AKAP13: variants seen among roughly 807,000 people sequenced by gnomAD.
The protein encoded by AKAP13 is A-kinase anchor protein 13.
A neutral mutation model predicts 264.5 loss-of-function variants in AKAP13; 80 were observed. The ratio of observed to expected loss-of-function variants is 0.30; its 90% CI spans 0.25 to 0.36. The LOEUF is 0.36. Ranked by LOEUF, AKAP13 falls within the 10% of genes least tolerant of loss-of-function variation. AKAP13 has a pLI of 1.00. For missense variants in AKAP13, 3,712 were observed against 3,435.2 expected, an observed-to-expected ratio of 1.08 and a Z score of -2.01; for synonymous variants, 1,380 against 1,250.2, an observed-to-expected ratio of 1.10 and a Z score of -2.19.
At chr15:85,613,463 C>T (rs1445701758) in intron 8 of AKAP13, among the ~76,000 whole-genome samples, 9 of 151,904 alleles carry the variant, frequency 5.9e-5, no homozygotes, top group East Asian at 1.9e-4. Context: ...GGGTGGATCA[C>T]GAGGTCAGGA....
intron 7 of AKAP13, 146 bp from the exon 8 acceptor site, chr15:85,585,556 C>A: frequency 8.7e-7 from 1 of 1,148,822 alleles, no homozygotes; most frequent in East Asian, 2.5e-5. Flanking sequence ...TCAGAAATGA[C>A]ACTAGCCGCT....
Position 85,741,177 on chromosome 15 carries a change from G to C in AKAP13, c.7740G>C (p.Gln2580His). 1 of 1,612,382 alleles carries C rather than the reference G, an allele frequency of 6.2e-7. No homozygotes were observed. The highest frequency in any genetic ancestry group is 8.5e-7 in the Non-Finnish European group (1 of 1,179,290). The stretch of plus-strand genomic sequence containing the variant: ...AGAAGCAGCGCAGCCTGGAGAAGCA[G>C]CGCCAGGACCTGGCCAACCTGCAGA... ...EQEKQRSLEK[Q>H]RQDLANLQKQ... Residue 2580 changes from glutamine to histidine, a missense_variant, in exon 35 of 37, where the codon CAG becomes CAC. Gln to His is a conservative substitution (Grantham distance 24). Transcript: ENST00000394518.
chr15:85,458,219 A>G (rs939654143), intron 1 of AKAP13, among the ~76,000 whole-genome samples: 5 of 151,984 alleles, frequency 3.3e-5, no homozygotes, highest in Non-Finnish European at 7.4e-5. Context: ...GATTTTTAGT[A>G]ATACATGTTT....
intron 1 of AKAP13, among the ~76,000 whole-genome samples, chr15:85,399,502 C>CAAAAAAAAAAAAAAAAA (rs71138392): frequency 5.2e-5 from 4 of 77,074 alleles, no homozygotes; most frequent in Non-Finnish European, 9.6e-5. Flanking sequence ...GACTCCGTCT[C>CAAAAAAAAAAAAAAAAA]AAAAAAAAAA....
At chr15:85,589,296 T>G (rs1248228002) in intron 8 of AKAP13, among the ~76,000 whole-genome samples, 1 of 152,168 alleles carries the variant, frequency 6.6e-6, no homozygotes, top group Admixed American at 6.6e-5. Flanking sequence ...TTAAAACTAG[T>G]AAGCTTTGCT....
rs112362641 is a variant in AKAP13, at chr15:85,488,726, T to C, written c.33+2973T>C. On this transcript the variant is annotated intron_variant, in intron 2 of 36. Transcript: ENST00000394518. Reference sequence around the variant, plus strand: ...AGGAAGGAGCCCATGAGCTACGGAATGCAGCTCTAGAAGCTGGAAATAGCA... The same window carrying C: ...AGGAAGGAGCCCATGAGCTACGGAACGCAGCTCTAGAAGCTGGAAATAGCA... 6.2e-4 allele frequency among the ~76,000 whole-genome samples: 95 copies of C among 152,310 alleles called. 1 individual carries two copies. Among genetic ancestry groups the C allele is most frequent in the African/African-American group, 1.9e-3 (79 of 41,566 alleles).
chr15:85,459,986 A>G (rs1052297693), intron 1 of AKAP13, among the ~76,000 whole-genome samples: 2 of 152,158 alleles, frequency 1.3e-5, no homozygotes, highest in Non-Finnish European at 2.9e-5. Context: ...TAGGTTCACT[A>G]GTTTTTATCA....
intron 16 of AKAP13, among the ~76,000 whole-genome samples, chr15:85,691,098 A>G (rs2085258654): frequency 6.6e-6 from 1 of 152,202 alleles, no homozygotes. Context: ...AGACGAAATG[A>G]TGTATGTAGA....
At chr15:85,540,689 A>C (rs2077554723) in intron 4 of AKAP13, among the ~76,000 whole-genome samples, 3 of 152,212 alleles carry the variant, frequency 2.0e-5, no homozygotes. Context: ...ATGCTCTTAA[A>C]ACAACACAGA....
At chr15:85,384,494 A>G (rs1334943499) in intron 1 of AKAP13, among the ~76,000 whole-genome samples, 1 of 152,132 alleles carries the variant, frequency 6.6e-6, no homozygotes, top group Non-Finnish European at 1.5e-5. Context: ...AGGCGGGCGG[A>G]TCACTTGAGG....
At chr15:85,669,491 C>G (rs928535971) in intron 13 of AKAP13, among the ~76,000 whole-genome samples, 3 of 152,178 alleles carry the variant, frequency 2.0e-5, no homozygotes, top group Admixed American at 6.5e-5. Context: ...CCCCATTTTA[C>G]AGATGAGAAA....
In AKAP13 at chr15:85,604,466, C is replaced by CT. The variant is rs781662004; in HGVS notation, c.4161+18658dup. ...CAATCAAAAGCTGCTGCTGCTGCTGCTTTTTTTTTTTTTTTAAGTTGGAGC... is the reference window on the plus strand; with the variant it reads ...CAATCAAAAGCTGCTGCTGCTGCTGCTTTTTTTTTTTTTTTTAAGTTGGAGC... On this transcript the variant is annotated intron_variant, in intron 8 of 36. Transcript: ENST00000394518. Among the ~76,000 whole-genome samples, 814 of 140,108 alleles carry CT rather than the reference C, an allele frequency of 5.8e-3. 2 individuals carry two copies. Among genetic ancestry groups the CT allele is most frequent in the African/African-American group, 0.014 (530 of 38,178 alleles). The allele number at this position is 140,108 out of a possible 152,430, so 91.9% of individuals were successfully genotyped here. A position where few individuals can be genotyped will look rare whatever the true frequency, so the allele number is the denominator to read the frequency against.
intron 8 of AKAP13, among the ~76,000 whole-genome samples, chr15:85,638,126 C>T (rs1401781507): frequency 2.0e-5 from 3 of 151,876 alleles, no homozygotes; most frequent in Admixed American, 1.3e-4. Flanking sequence ...CCTTGTGATC[C>T]GCCCGCCTCA....
chr15:85,740,460 T>A, intron 34 of AKAP13, 188 bp downstream of exon 34: 1 of 604,270 alleles, frequency 1.7e-6, no homozygotes, highest in South Asian at 2.3e-5. Flanking sequence ...CTAGAATTAG[T>A]GAAGAGCTGG....
At chr15:85,700,846 TTATC>T (rs1746920217) in intron 17 of AKAP13, among the ~76,000 whole-genome samples, 1 of 152,184 alleles carries the variant, frequency 6.6e-6, no homozygotes, top group Non-Finnish European at 1.5e-5. Context: ...TATTGGTTAT[TTATC>T]TACATGAAGA....
chr15:85,622,473 A>C (rs542079559), intron 8 of AKAP13, among the ~76,000 whole-genome samples: 1 of 152,308 alleles, frequency 6.6e-6, no homozygotes, highest in African/African-American at 2.4e-5. Flanking sequence ...AGAAGGCCGG[A>C]GCCAGAGGTG....
chr15:85,399,520 A>AT (rs1567038626), intron 1 of AKAP13, among the ~76,000 whole-genome samples: 5 of 117,814 alleles, frequency 4.2e-5, no homozygotes, highest in African/African-American at 1.9e-4. Flanking sequence ...AAAAAAAAAA[A>AT]AATAAAAAAA....
intron 8 of AKAP13, among the ~76,000 whole-genome samples, chr15:85,593,051 T>C (rs1031176961): frequency 6.6e-5 from 10 of 152,220 alleles, no homozygotes; most frequent in African/African-American, 2.4e-4. Context: ...TAAAAAATAC[T>C]GTAATCCCAG....
intron 12 of AKAP13, chr15:85,662,423 C>T (rs181101885): frequency 7.4e-6 from 12 of 1,614,148 alleles, no homozygotes; most frequent in Middle Eastern, 3.3e-4. Context: ...CAGTACTCTG[C>T]TGGCCTGAGT....
Sources: gnomAD v4.1 joint callset for allele counts (sites outside exome capture counted in the v4.1 genomes callset) on GRCh38, gnomAD v4.1.1 for gene constraint, MANE v1.5 for transcripts, NCBI Gene and HGNC (gene_info 2026-07-23, HGNC 2026-07-21) for gene names.